PRRC1: variants seen among roughly 807,000 people sequenced by gnomAD.
PRRC1 encodes proline rich coiled-coil 1.
Under a neutral mutation model 40.7 loss-of-function variants are expected in PRRC1, and 39 were observed. The observed-to-expected ratio is 0.96, with a 90% CI of 0.74 to 1.25. PRRC1 has a LOEUF of 1.25. PRRC1 is among the 50% of genes most tolerant of loss of function. The pLI is 0.00. For missense variants in PRRC1, 573 were observed against 548.3 expected (o/e 1.05, Z -0.45); for synonymous variants, 175 against 193.3 (o/e 0.91, Z 0.79).
intron 4 of PRRC1, among the ~76,000 whole-genome samples, 192 bp from the exon 5 acceptor site, chr5:127,530,102 G>C (rs1767727643): frequency 1.3e-5 from 2 of 151,940 alleles, no homozygotes; most frequent in South Asian, 4.1e-4. Context: ...ACACTGCTGA[G>C]TCAGGAAAAA....
At chr5:127,529,543 G>A (rs1203739165) in intron 4 of PRRC1, among the ~76,000 whole-genome samples, 1 of 152,154 alleles carries the variant, frequency 6.6e-6, no homozygotes, top group Non-Finnish European at 1.5e-5. Context: ...CTTTTCCTGA[G>A]TCACCTTAGT....
chr5:127,548,351 T>C (rs968912281), intron 8 of PRRC1: 1 of 273,194 alleles, frequency 3.7e-6, no homozygotes, highest in Non-Finnish European at 6.9e-6. Context: ...TTAGAAACCT[T>C]ATAGGCACGT....
chr5:127,547,087 A>T (rs1047292663), intron 7 of PRRC1, among the ~76,000 whole-genome samples: 4 of 152,056 alleles, frequency 2.6e-5, no homozygotes, highest in East Asian at 1.9e-4. Context: ...TAGGCATTAA[A>T]CATTTTCCTG....
chr5:127,536,928 G>A (rs894603053), intron 6 of PRRC1, among the ~76,000 whole-genome samples: 4 of 151,788 alleles, frequency 2.6e-5, no homozygotes, highest in African/African-American at 9.7e-5. Flanking sequence ...GAGTCTTAGA[G>A]TATAAAATGG....
intron 6 of PRRC1, among the ~76,000 whole-genome samples, chr5:127,535,361 A>C (rs1183654720): frequency 6.6e-6 from 1 of 152,168 alleles, no homozygotes. Context: ...GGCCATTTGA[A>C]AACAGCAGTT....
intron 7 of PRRC1, among the ~76,000 whole-genome samples, chr5:127,543,940 A>AG (rs1456061857): frequency 6.4e-4 from 97 of 151,972 alleles, no homozygotes; most frequent in African/African-American, 2.3e-3. Context: ...TTGGAGGAGG[A>AG]GAGGCGCTCT....
rs570311712 is a variant in PRRC1, at chr5:127,547,783, C to T, written c.1026-36C>T. ...TCTATTCATGATAAGTTTTATTTGG[C>T]ATATAAACCATTTGAAACTCGTAAT... On this transcript the variant is annotated intron_variant, in intron 7 of 8. Transcript: ENST00000296666. 3.3e-5 allele frequency: 45 copies of T among 1,383,106 alleles called. No individual in the cohort carries two copies. The East Asian group carries it at 8.5e-4, about 26-fold the overall frequency. The allele number at this position is 1,383,106 out of a possible 1,614,324, so 85.7% of individuals were successfully genotyped here.
In PRRC1 at chr5:127,552,536, C is replaced by T; in HGVS notation, c.*620C>T. On this transcript the variant is annotated 3_prime_UTR_variant, in exon 9 of 9. Transcript: ENST00000296666. ...TACACATGTAATCTGGAAAATCATA[C>T]CTTTGTCAATTTTAAACATAACTTT... is the stretch of plus-strand genomic sequence containing the variant. 16 of 985,578 alleles carry T rather than the reference C, an allele frequency of 1.6e-5. No individual in the cohort carries two copies. Among genetic ancestry groups the T allele is most frequent in the Non-Finnish European group, 1.8e-5 (15 of 829,664 alleles). 61.1% of individuals were successfully genotyped at this position (985,578 alleles called of 1,614,324 possible). A position where few individuals can be genotyped will look rare whatever the true frequency, so the allele number is the denominator to read the frequency against.
At position 127,553,869 on chromosome 5, in the gene PRRC1, C is replaced by G; in HGVS notation, c.*1953C>G. On this transcript the variant is annotated 3_prime_UTR_variant, in exon 9 of 9. Coordinates refer to ENST00000296666, the MANE Select transcript of PRRC1 (RefSeq NM_130809.5). ...TGGTTGAAGCTAGAAATTTTCCTGC[C>G]CCTGGTGACCTGGTAAGCCTCCTGC... is the stretch of plus-strand genomic sequence containing the variant. 2 of 1,535,654 alleles carry G rather than the reference C, an allele frequency of 1.3e-6. No homozygotes were observed. The highest frequency in any genetic ancestry group is 1.7e-6 in the Non-Finnish European group (2 of 1,146,632).
intron 8 of PRRC1, chr5:127,551,054 A>G (rs1340216743): frequency 6.5e-6 from 1 of 153,052 alleles, no homozygotes; most frequent in Non-Finnish European, 1.5e-5. Context: ...ATAACTGTAT[A>G]GATCCGTTCT....
intron 4 of PRRC1, 87 bp downstream of exon 4, chr5:127,526,865 G>T (rs1458494704): frequency 8.6e-7 from 1 of 1,159,818 alleles, no homozygotes; most frequent in East Asian, 2.7e-5. Flanking sequence ...ATACAGGATG[G>T]CACAAGGAAA....
At chr5:127,537,249 A>C (rs1291827297) in intron 6 of PRRC1, among the ~76,000 whole-genome samples, 2 of 151,850 alleles carry the variant, frequency 1.3e-5, no homozygotes, top group Non-Finnish European at 2.9e-5. Flanking sequence ...CTTAGAGTAC[A>C]ATATTGTTCT....
At chr5:127,524,235 C>G (rs1580929197) in intron 2 of PRRC1, 3 of 258,354 alleles carry the variant, frequency 1.2e-5, no homozygotes, top group South Asian at 7.3e-5. Context: ...GGTTTTTATG[C>G]TCAAACTAGG....
At chr5:127,523,308 C>A (rs980619263) in intron 1 of PRRC1, among the ~76,000 whole-genome samples, 152 bp from the exon 2 acceptor site, 1 of 152,102 alleles carries the variant, frequency 6.6e-6, no homozygotes, top group African/African-American at 2.4e-5. Flanking sequence ...GAAATTTGGA[C>A]AAACTCTTCG....
chr5:127,523,632 C>A, intron 2 of PRRC1, 50 bp downstream of exon 2: 3 of 1,114,646 alleles, frequency 2.7e-6, no homozygotes, highest in Admixed American at 2.4e-5. Flanking sequence ...AGTGAAGATA[C>A]TATCATCTTT....
In PRRC1 at chr5:127,529,982, G is replaced by A. The variant is rs73786121; in HGVS notation, c.655-312G>A. ...CAATCTTTTATATAAATAAGTAGAA[G>A]TGAAATTATATATATGTATATACAC... is the stretch of plus-strand genomic sequence containing the variant. On this transcript the variant is annotated intron_variant, in intron 4 of 8. Coordinates refer to ENST00000296666, the MANE Select transcript of PRRC1 (RefSeq NM_130809.5). Among the ~76,000 whole-genome samples, 794 of 152,014 alleles carry A rather than the reference G, an allele frequency of 5.2e-3. 8 individuals are homozygous for A. The highest frequency in any genetic ancestry group is 0.019 in the African/African-American group (770 of 41,448).
chr5:127,523,670 A>C, intron 2 of PRRC1, 88 bp downstream of exon 2: 1 of 665,532 alleles, frequency 1.5e-6, no homozygotes. Context: ...AAAAGAATGC[A>C]TATATTAAAA....
chr5:127,535,705 C>T lies in PRRC1; in HGVS notation c.921+1919C>T, dbSNP rs895702846. On this transcript the variant is annotated intron_variant, in intron 6 of 8. Transcript: ENST00000296666. ...AATAGCCTGCATTTTTTGAGAACAT[C>T]CCCTGAGCCAGGCACATAGACCCTT... is the stretch of plus-strand genomic sequence containing the variant. Among the ~76,000 whole-genome samples the T allele has an allele frequency of 2.0e-5, 3 of 152,082 alleles. No homozygotes were observed. The South Asian group carries it at 6.2e-4, about 32-fold the overall frequency.
chr5:127,524,898 A>C lies in PRRC1; in HGVS notation c.471A>C (p.Ser157=). Residue 157 remains serine (S), a synonymous_variant, in exon 3 of 9, where the codon TCA becomes TCC. Transcript: ENST00000296666. ...CTCCCCAGACACCCCTGATGCCATC[A>C]TTTTCTGCACCTTCAGGAACAGGTA... ...GRAPQTPLMP[S]FSAPSGTGLL... 1 of 1,606,794 alleles carries C rather than the reference A, an allele frequency of 6.2e-7. No homozygotes were observed. Among genetic ancestry groups the C allele is most frequent in the Non-Finnish European group, 8.5e-7 (1 of 1,175,162 alleles).
Sources: allele counts gnomAD v4.1 joint callset (sites outside exome capture counted in the v4.1 genomes callset), GRCh38; gene constraint gnomAD v4.1.1; transcripts MANE v1.5; gene names NCBI Gene and HGNC (gene_info 2026-07-23, HGNC 2026-07-21).